Variants in CNTNAP5 observed in about 807,000 individuals in gnomAD.
The protein encoded by CNTNAP5 is contactin associated protein family member 5.
In CNTNAP5, 72 loss-of-function variants were observed where a neutral mutation model predicts 150.2. The ratio of observed to expected loss-of-function variants is 0.48; its 90% confidence interval spans 0.40 to 0.58. The LOEUF is 0.58. CNTNAP5 is among the 20% of genes least tolerant of loss of function. The probability of loss-of-function intolerance (pLI) is 0.00; values close to 1 mark genes in which losing one functional copy is unlikely to be tolerated. For missense variants in CNTNAP5, 1,636 were observed against 1,626.2 expected (o/e 1.01, Z -0.10); for synonymous variants, 672 against 619.8 (o/e 1.08, Z -1.25).
intron 16 of CNTNAP5, among the ~76,000 whole-genome samples, chr2:124,765,817 G>T (rs1681056051): frequency 6.6e-6 from 1 of 151,910 alleles, no homozygotes; most frequent in Admixed American, 6.6e-5. Context: ...TTATCCACGT[G>T]TGGTGCCAGG....
chr2:124,390,072 A>C (rs369626686), intron 3 of CNTNAP5, among the ~76,000 whole-genome samples: 2 of 152,170 alleles, frequency 1.3e-5, no homozygotes, highest in South Asian at 2.1e-4. Flanking sequence ...CAGCTAAAAA[A>C]TCTGAAGTAT....
intron 7 of CNTNAP5, among the ~76,000 whole-genome samples, chr2:124,477,041 C>T (rs902245378): frequency 1.1e-4 from 16 of 152,026 alleles, no homozygotes; most frequent in African/African-American, 3.6e-4. Flanking sequence ...CTTTTCCCCA[C>T]CATTCAGAGA....
At chr2:124,621,186 A>AT (rs1677607061) in intron 12 of CNTNAP5, among the ~76,000 whole-genome samples, 1 of 152,162 alleles carries the variant, frequency 6.6e-6, no homozygotes, top group Non-Finnish European at 1.5e-5. Flanking sequence ...TCTTAGCTGT[A>AT]TACTGTTTTT....
At chr2:124,394,018 G>A (rs767028087) in intron 3 of CNTNAP5, among the ~76,000 whole-genome samples, 6 of 152,060 alleles carry the variant, frequency 3.9e-5, no homozygotes, top group East Asian at 1.9e-4. Flanking sequence ...ATCAGTCATC[G>A]TTTACACATT....
In CNTNAP5 at chr2:124,337,491, G is replaced by GT. The variant is rs1689503082; in HGVS notation, c.382-79947dup. Among the ~76,000 whole-genome samples the GT allele has an allele frequency of 3.3e-5, 5 of 152,220 alleles. No individual in the cohort carries two copies. The South Asian group carries it at 1.0e-3, about 32-fold the overall frequency. ...GGTATTCCCTAGGTTTTCTTCTAGGGTTTTTATGGTTTTAGGTCTAACATT... is the reference window on the plus strand; with the variant it reads ...GGTATTCCCTAGGTTTTCTTCTAGGGTTTTTTATGGTTTTAGGTCTAACATT... On this transcript the variant is annotated intron_variant, in intron 3 of 23. Coordinates refer to ENST00000682447, the MANE Select transcript of CNTNAP5 (RefSeq NM_001367498.1).
At chr2:124,395,795 G>A (rs753972168) in intron 3 of CNTNAP5, among the ~76,000 whole-genome samples, 12 of 152,008 alleles carry the variant, frequency 7.9e-5, no homozygotes, top group African/African-American at 2.7e-4. Flanking sequence ...ACACGTGCAC[G>A]CACATACACA....
At chr2:124,313,797 G>A (rs1363033819) in intron 3 of CNTNAP5, among the ~76,000 whole-genome samples, 1 of 152,150 alleles carries the variant, frequency 6.6e-6, no homozygotes, top group African/African-American at 2.4e-5. Context: ...GGCAGGCAGG[G>A]GGAGTGATGG....
At chr2:124,898,119 A>C (rs557566539) in intron 21 of CNTNAP5, among the ~76,000 whole-genome samples, 3 of 151,098 alleles carry the variant, frequency 2.0e-5, no homozygotes, top group Non-Finnish European at 2.9e-5. Flanking sequence ...CAGAGGGAAA[A>C]ATTTTTACTT....
chr2:124,191,978 G>A (rs549572412), intron 1 of CNTNAP5, among the ~76,000 whole-genome samples: 9 of 152,012 alleles, frequency 5.9e-5, no homozygotes, highest in East Asian at 1.9e-4. Flanking sequence ...CTGCAGTCTC[G>A]TGTCTCCTTA....
At chr2:124,658,734 T>C (rs778383590) in intron 13 of CNTNAP5, among the ~76,000 whole-genome samples, 2 of 152,202 alleles carry the variant, frequency 1.3e-5, no homozygotes, top group Non-Finnish European at 2.9e-5. Context: ...TGTATTACCG[T>C]AGAATATGTA....
chr2:124,546,531 G>C (rs1016696544), intron 10 of CNTNAP5, among the ~76,000 whole-genome samples: 16 of 152,110 alleles, frequency 1.1e-4, no homozygotes, highest in Admixed American at 6.6e-4. Flanking sequence ...TGCGGCCCTA[G>C]AGTGAATAAA....
At chr2:124,190,301 G>A (rs1388292639) in intron 1 of CNTNAP5, among the ~76,000 whole-genome samples, 2 of 152,176 alleles carry the variant, frequency 1.3e-5, no homozygotes, top group Non-Finnish European at 2.9e-5. Context: ...AGTTAGAGAA[G>A]TCTAACAGAG....
At chr2:124,521,975 CTCT>C (rs1427106950) in intron 8 of CNTNAP5, among the ~76,000 whole-genome samples, 1 of 152,144 alleles carries the variant, frequency 6.6e-6, no homozygotes, top group Non-Finnish European at 1.5e-5. Flanking sequence ...CCTCTGGGTT[CTCT>C]TCTTCACCCC....
chr2:124,872,610 C>T (rs1277059449), intron 21 of CNTNAP5, among the ~76,000 whole-genome samples: 3 of 151,266 alleles, frequency 2.0e-5, no homozygotes, highest in Non-Finnish European at 4.4e-5. Flanking sequence ...TAAATTTGAG[C>T]TCCATACCTG....
intron 3 of CNTNAP5, among the ~76,000 whole-genome samples, chr2:124,250,942 C>A (rs1215493888): frequency 6.6e-6 from 1 of 151,946 alleles, no homozygotes; most frequent in African/African-American, 2.4e-5. Flanking sequence ...GTTTTGTGGG[C>A]CTTAATGTTA....
intron 17 of CNTNAP5, among the ~76,000 whole-genome samples, chr2:124,774,351 C>T (rs1681275178): frequency 6.6e-6 from 1 of 152,054 alleles, no homozygotes; most frequent in African/African-American, 2.4e-5. Flanking sequence ...AAAGCAGTCA[C>T]TAAAATCACA....
chr2:124,528,462 G>A (rs190699624), intron 10 of CNTNAP5, among the ~76,000 whole-genome samples: 6 of 152,196 alleles, frequency 3.9e-5, no homozygotes, highest in Non-Finnish European at 7.3e-5. Flanking sequence ...ATAGAAGCAG[G>A]AGAAAGCATG....
At chr2:124,545,362 A>G (rs1695487791) in intron 10 of CNTNAP5, among the ~76,000 whole-genome samples, 3 of 152,220 alleles carry the variant, frequency 2.0e-5, no homozygotes, top group South Asian at 4.1e-4. Context: ...ATTAATGCCT[A>G]TCGCAAAGTA....
rs573643938 is a variant in CNTNAP5, at chr2:124,584,351, G to T, written c.1756+21028G>T. Among the ~76,000 whole-genome samples the T allele has an allele frequency of 3.8e-3, 513 of 135,058 alleles. 2 individuals are homozygous for T. Among genetic ancestry groups the T allele is most frequent in the Non-Finnish European group, 6.5e-3 (401 of 61,298 alleles). The allele number at this position is 135,058 out of a possible 152,430, so 88.6% of individuals were successfully genotyped here. ...CAATTAGTATTCTCTCATCACTGTG[G>T]TGATAAGGAACTTAACTATAAGCAT... On this transcript the variant is annotated intron_variant, in intron 11 of 23. Transcript: ENST00000682447.
Sources: gnomAD v4.1 joint callset for allele counts (sites outside exome capture counted in the v4.1 genomes callset) on GRCh38, gnomAD v4.1.1 for gene constraint, MANE v1.5 for transcripts, NCBI Gene and HGNC (gene_info 2026-07-23, HGNC 2026-07-21) for gene names.